RIPOR2: variants seen among roughly 807,000 people sequenced by gnomAD.
RIPOR2 encodes rho family-interacting cell polarization regulator 2.
A neutral mutation model predicts 114.5 loss-of-function variants in RIPOR2; 39 were observed. The observed-to-expected ratio is 0.34, with a 90% CI of 0.26 to 0.44. The LOEUF (loss-of-function observed/expected upper bound fraction) is 0.44. RIPOR2 is among the 20% of genes least tolerant of loss of function. The pLI is 1.00. For synonymous variants in RIPOR2, 445 were observed against 484.4 expected (o/e 0.92, Z 1.07); for missense variants, 1,007 against 1,255.1 (o/e 0.80, Z 2.99).
intron 1 of RIPOR2, among the ~76,000 whole-genome samples, chr6:24,967,003 A>T (rs1660276279): frequency 6.6e-6 from 1 of 152,188 alleles, no homozygotes; most frequent in Non-Finnish European, 1.5e-5. Flanking sequence ...AATATCCTGG[A>T]GGCAGTGCGG....
chr6:25,020,987 G>A (rs536759647), intron 1 of RIPOR2, among the ~76,000 whole-genome samples: 1 of 152,160 alleles, frequency 6.6e-6, no homozygotes, highest in East Asian at 1.9e-4. Context: ...CTCCCAAGTA[G>A]CTGGGATTAC....
At chr6:25,035,375 G>A (rs993940849) in intron 1 of RIPOR2, among the ~76,000 whole-genome samples, 7 of 152,222 alleles carry the variant, frequency 4.6e-5, no homozygotes, top group African/African-American at 1.7e-4. Context: ...AACCAAGAGA[G>A]GAATTTTCCT....
chr6:25,024,211 T>A (rs756961656), intron 1 of RIPOR2: 19 of 1,494,392 alleles, frequency 1.3e-5, no homozygotes, highest in Non-Finnish European at 1.7e-5. Flanking sequence ...GCGAGAAAGG[T>A]GCCCAGGAGG....
intron 1 of RIPOR2, among the ~76,000 whole-genome samples, chr6:25,032,358 T>C (rs1466709377): frequency 6.6e-6 from 1 of 152,180 alleles, no homozygotes; most frequent in Non-Finnish European, 1.5e-5. Flanking sequence ...TCAGGCTTTG[T>C]GTGCCTCTTT....
intron 1 of RIPOR2, 71 bp from the exon 2 acceptor site, chr6:24,875,888 C>T: frequency 7.1e-7 from 1 of 1,410,142 alleles, no homozygotes; most frequent in Non-Finnish European, 9.8e-7. Flanking sequence ...AGCTTGTCAA[C>T]AATGATAAAG....
At chr6:25,008,779 A>G (rs948633789) in intron 1 of RIPOR2, among the ~76,000 whole-genome samples, 1 of 152,216 alleles carries the variant, frequency 6.6e-6, no homozygotes, top group Non-Finnish European at 1.5e-5. Flanking sequence ...TGCCAAGGAA[A>G]TTTGATGAGG....
intron 8 of RIPOR2, among the ~76,000 whole-genome samples, chr6:24,855,112 A>G (rs964528221): frequency 2.0e-5 from 3 of 152,000 alleles, no homozygotes; most frequent in Non-Finnish European, 4.4e-5. Context: ...CAGGGAAAAA[A>G]GTCTAGAAAA....
intron 1 of RIPOR2, among the ~76,000 whole-genome samples, chr6:24,995,732 G>A (rs1037145373): frequency 6.6e-6 from 1 of 151,466 alleles, no homozygotes; most frequent in Non-Finnish European, 1.5e-5. Context: ...TTTTATATCT[G>A]TATAAATACA....
chr6:24,856,669 C>T (rs1017070416), intron 8 of RIPOR2, among the ~76,000 whole-genome samples: 2 of 152,292 alleles, frequency 1.3e-5, no homozygotes, highest in African/African-American at 2.4e-5. Flanking sequence ...GCATGAGAAT[C>T]GCTTGAACCC....
chr6:24,851,697 T>C (rs1235216467), intron 9 of RIPOR2, among the ~76,000 whole-genome samples: 1 of 151,854 alleles, frequency 6.6e-6, no homozygotes, highest in Non-Finnish European at 1.5e-5. Context: ...TTATTTTTCT[T>C]CAGTCATGGT....
At position 24,839,289 on chromosome 6, in the gene RIPOR2, C is replaced by T; in HGVS notation, c.1858-17G>A. ...TGGCTTGCACTGTAAAGGCAGAAGG[C>T]ACCAGGGAGAACATCAACATATCCG... is the stretch of plus-strand genomic sequence containing the variant. On this transcript the variant is annotated splice_polypyrimidine_tract_variant and intron_variant, in intron 13 of 21. Coordinates refer to ENST00000643898, the MANE Select transcript of RIPOR2 (RefSeq NM_001286445.3). 6.5e-7 allele frequency: 1 copy of T among 1,545,984 alleles called. No individual in the cohort carries two copies. The highest frequency in any genetic ancestry group is 1.4e-5 in the African/African-American group (1 of 72,912).
chr6:24,912,944 C>G lies in RIPOR2; in HGVS notation c.61+22894G>C, dbSNP rs532883082. On this transcript the variant is annotated intron_variant, in intron 1 of 21. Transcript: ENST00000643898. The stretch of plus-strand genomic sequence containing the variant: ...CATCTCTTTCCCATAGCTGCCTCCA[C>G]TTAAAAGATAAGACTACTGATACTC... Among the ~76,000 whole-genome samples the G allele has an allele frequency of 2.3e-4, 35 of 152,328 alleles. No individual in the cohort carries two copies. In the East Asian group the frequency reaches 6.5e-3, roughly 28 times the overall value.
At chr6:24,992,730 C>T (rs1364136564) in intron 1 of RIPOR2, among the ~76,000 whole-genome samples, 1 of 152,102 alleles carries the variant, frequency 6.6e-6, no homozygotes, top group Non-Finnish European at 1.5e-5. Flanking sequence ...AAAATTTATA[C>T]AGAACTAAAA....
intron 1 of RIPOR2, among the ~76,000 whole-genome samples, chr6:24,889,622 C>T (rs1354589516): frequency 1.3e-5 from 2 of 151,896 alleles, no homozygotes; most frequent in African/African-American, 2.4e-5. Context: ...CACAGAAATG[C>T]TTGTTAAATT....
At chr6:24,871,151 A>G (rs1765123221) in intron 4 of RIPOR2, among the ~76,000 whole-genome samples, 1 of 152,218 alleles carries the variant, frequency 6.6e-6, no homozygotes, top group Non-Finnish European at 1.5e-5. Flanking sequence ...CTAGCATTGC[A>G]TGCAGTCCTC....
intron 14 of RIPOR2, among the ~76,000 whole-genome samples, chr6:24,837,747 A>C (rs1004122369): frequency 2.0e-5 from 3 of 152,060 alleles, no homozygotes; most frequent in Admixed American, 1.3e-4. Flanking sequence ...TCATTTAATA[A>C]ATTTTCTTTG....
rs187732680 is a variant in RIPOR2 at position 24,888,510 on chromosome 6, C to G, written c.62-12693G>C. Among the ~76,000 whole-genome samples, 17 of 152,238 alleles carry G rather than the reference C, an allele frequency of 1.1e-4. No homozygotes were observed. In the East Asian group the frequency reaches 2.9e-3, roughly 26 times the overall value. On this transcript the variant is annotated intron_variant, in intron 1 of 21. Transcript: ENST00000643898. ...ACAACCAAGCTACATCTTTGGAAAT[C>G]CTAAACAGAAAAAGCCACTAGGTTC...
intron 1 of RIPOR2, among the ~76,000 whole-genome samples, chr6:25,020,877 G>A (rs1776287455): frequency 6.6e-6 from 1 of 151,766 alleles, no homozygotes; most frequent in African/African-American, 2.4e-5. Context: ...TCTTTTTTTA[G>A]ACGGAGTCTC....
upstream of RIPOR2, among the ~76,000 whole-genome samples, chr6:24,936,551 T>C (rs1382454421): frequency 2.0e-5 from 3 of 152,318 alleles, no homozygotes; most frequent in African/African-American, 7.2e-5. Context: ...AGTCAATGAA[T>C]AGATAACTGG....
Sources: gnomAD v4.1 joint callset for allele counts (sites outside exome capture counted in the v4.1 genomes callset) on GRCh38, gnomAD v4.1.1 for gene constraint, MANE v1.5 for transcripts, NCBI Gene and HGNC (gene_info 2026-07-23, HGNC 2026-07-21) for gene names.